TFAP2E: variants seen among roughly 807,000 people sequenced by gnomAD.
TFAP2E encodes transcription factor AP-2-epsilon.
Under a neutral mutation model 37.9 loss-of-function variants are expected in TFAP2E, and 30 were observed. The observed-to-expected ratio is 0.79, with a 90% CI of 0.59 to 1.07. The LOEUF is 1.07. Among genes scored for constraint, TFAP2E ranks in the 50% least tolerant of loss-of-function variants. The probability of loss-of-function intolerance (pLI) is 0.00; values close to 1 mark genes in which losing one functional copy is unlikely to be tolerated. For synonymous variants in TFAP2E, 318 were observed against 295.8 expected (o/e 1.08, Z -0.77); for missense variants, 567 against 637.9 (o/e 0.89, Z 1.20).
Position 35,573,539 on chromosome 1 carries a change from C to A in TFAP2E, c.-39C>A. ...CAGCGCTCGCCGTCGGGCTAGGGCT[C>A]CGCCGCCGCCACGCCTCGCGCCCGG... On this transcript the variant is annotated 5_prime_UTR_variant, in exon 1 of 7. Transcript: ENST00000373235. This position sits in a 1 kb window ranked among gnomAD's most constrained non-coding sequence, Gnocchi z 5.9. 6.6e-7 allele frequency: 1 copy of A among 1,511,288 alleles called. No individual in the cohort carries two copies. Among genetic ancestry groups the A allele is most frequent in the Non-Finnish European group, 8.8e-7 (1 of 1,130,864 alleles). 93.6% of individuals were successfully genotyped at this position (1,511,288 alleles called of 1,614,324 possible).
At chr1:35,589,318 G>A (rs1218918887) in intron 4 of TFAP2E, among the ~76,000 whole-genome samples, 1 of 151,416 alleles carries the variant, frequency 6.6e-6, no homozygotes, top group Non-Finnish European at 1.5e-5. Context: ...TGCAGTCATA[G>A]GGGTTATCTC....
At chr1:35,589,826 A>G in intron 4 of TFAP2E, 104 bp from the exon 5 acceptor site, 1 of 1,197,872 alleles carries the variant, frequency 8.3e-7, no homozygotes, top group Non-Finnish European at 1.2e-6. Flanking sequence ...CCAAACCTCA[A>G]CAGGGGCTGG....
Position 35,594,822 on chromosome 1 carries a change from C to A in TFAP2E, c.*146C>A. 1 of 1,302,208 alleles carries A rather than the reference C, an allele frequency of 7.7e-7. No homozygotes were observed. The highest frequency in any genetic ancestry group is 1.4e-5 in the South Asian group (1 of 72,440). 80.7% of individuals were successfully genotyped at this position (1,302,208 alleles called of 1,614,324 possible). On this transcript the variant is annotated 3_prime_UTR_variant, in exon 7 of 7. Transcript: ENST00000373235. ...ATCCAGAGATCCCAGAGTTGGGGAT[C>A]TGGCTTGGAGTAAGGGAGGGTGGCC...
At position 35,573,684 on chromosome 1, in the gene TFAP2E, C is replaced by T. The variant is rs930371013; in HGVS notation, c.27+80C>T. ...GCTGGACTTTCCAACCCTCCTGTCCCGCGCTAACGAAATCTCGGAGGGAGG... is the reference window on the plus strand; with the variant it reads ...GCTGGACTTTCCAACCCTCCTGTCCTGCGCTAACGAAATCTCGGAGGGAGG... On this transcript the variant is annotated intron_variant, in intron 1 of 6. Coordinates refer to ENST00000373235, the MANE Select transcript of TFAP2E (RefSeq NM_178548.4). The surrounding 1 kb of genome is among the most constrained non-coding windows in gnomAD (Gnocchi z 5.9). 14 of 1,501,588 alleles carry T rather than the reference C, an allele frequency of 9.3e-6. No individual in the cohort carries two copies. The Admixed American group carries it at 3.1e-4, about 34-fold the overall frequency. 93.0% of individuals were successfully genotyped at this position (1,501,588 alleles called of 1,614,324 possible). A position where few individuals can be genotyped will look rare whatever the true frequency, so the allele number is the denominator to read the frequency against.
chr1:35,573,386 CCTCCATGGACCCG>C lies in TFAP2E; in HGVS notation c.-190_-178del. The C allele has an allele frequency of 1.6e-6, 1 of 629,166 alleles. No homozygotes were observed. The highest frequency in any genetic ancestry group is 2.4e-6 in the Non-Finnish European group (1 of 408,840). 39.0% of individuals were successfully genotyped at this position (629,166 alleles called of 1,614,324 possible). On this transcript the variant is annotated 5_prime_UTR_variant, in exon 1 of 7. An upstream start codon of the reference 5' UTR is lost. Coordinates refer to ENST00000373235, the MANE Select transcript of TFAP2E (RefSeq NM_178548.4). The surrounding 1 kb of genome is among the most constrained non-coding windows in gnomAD (Gnocchi z 5.9). ...GTGCGATCAGTGCCCGTCCGTCCTG[CCTCCATGGACCCG>C]CCCGGGAACGGCCACCGCTGAGGAC... is the stretch of plus-strand genomic sequence containing the variant.
At chr1:35,587,970 T>C (rs1464865957) in intron 3 of TFAP2E, among the ~76,000 whole-genome samples, 4 of 152,116 alleles carry the variant, frequency 2.6e-5, no homozygotes, top group Non-Finnish European at 5.9e-5. Flanking sequence ...CTCCCTGTGA[T>C]TGCCCAGCCC....
chr1:35,593,960 T>G (rs972630858), intron 6 of TFAP2E, among the ~76,000 whole-genome samples: 1 of 152,222 alleles, frequency 6.6e-6, no homozygotes, highest in Non-Finnish European at 1.5e-5. Flanking sequence ...TGGCACAGCA[T>G]CCAGCCTTCA....
Position 35,589,911 on chromosome 1 carries a change from T to C in TFAP2E, c.786-19T>C. ...TTGTCTTCATAGTTGTATGTCTGTC[T>C]GTCTCTGTGCATGTCAAGGGCCAAG... On this transcript the variant is annotated intron_variant, in intron 4 of 6. Transcript: ENST00000373235. The C allele has an allele frequency of 6.2e-7, 1 of 1,612,670 alleles. No homozygotes were observed. Among genetic ancestry groups the C allele is most frequent in the South Asian group, 1.1e-5 (1 of 91,010 alleles).
intron 3 of TFAP2E, among the ~76,000 whole-genome samples, chr1:35,575,690 CTCTG>C (rs1649148003): frequency 6.6e-6 from 1 of 152,106 alleles, no homozygotes. Flanking sequence ...TGAGGTGTGT[CTCTG>C]TATGTTGGTG....
At chr1:35,583,649 T>C (rs904096313) in intron 3 of TFAP2E, among the ~76,000 whole-genome samples, 1 of 148,894 alleles carries the variant, frequency 6.7e-6, no homozygotes, top group African/African-American at 2.6e-5. Context: ...TGTGAATGGC[T>C]TCTGCATATG....
In TFAP2E at chr1:35,588,653, G is replaced by A. The variant is rs1262691494; in HGVS notation, c.785+101G>A. On this transcript the variant is annotated intron_variant, in intron 4 of 6. Coordinates refer to ENST00000373235, the MANE Select transcript of TFAP2E (RefSeq NM_178548.4). This position sits in a 1 kb window ranked among gnomAD's most constrained non-coding sequence, Gnocchi z 5.1. ...GAGGCCAGTCTCACCTAGGCCCTCT[G>A]CCTCAGTCTCCCTGGGAGGGGAGGC... is the stretch of plus-strand genomic sequence containing the variant. 1 of 1,246,078 alleles carries A rather than the reference G, an allele frequency of 8.0e-7. No homozygotes were observed. The highest frequency in any genetic ancestry group is 1.7e-5 in the South Asian group (1 of 59,438). The allele number at this position is 1,246,078 out of a possible 1,614,324, so 77.2% of individuals were successfully genotyped here.
At position 35,578,790 on chromosome 1, in the gene TFAP2E, C is replaced by T. The variant is rs780234680; in HGVS notation, c.562+3790C>T. On this transcript the variant is annotated intron_variant, in intron 3 of 6. Coordinates refer to ENST00000373235, the MANE Select transcript of TFAP2E (RefSeq NM_178548.4). ...CAGAATTTGAGAGGGTGCCAAAAAA[C>T]TCAGTAATCAAGATAAATAGGCCGG... is the stretch of plus-strand genomic sequence containing the variant. Among the ~76,000 whole-genome samples the T allele has an allele frequency of 6.0e-4, 91 of 152,054 alleles. 1 individual carries two copies. The highest frequency in any genetic ancestry group is 3.2e-3 in the Middle Eastern group (1 of 316).
chr1:35,576,859 G>A (rs1350495844), intron 3 of TFAP2E, among the ~76,000 whole-genome samples: 5 of 152,038 alleles, frequency 3.3e-5, no homozygotes, highest in African/African-American at 9.6e-5. Context: ...GGAGCGGGGC[G>A]GGACGCGGCC....
intron 3 of TFAP2E, among the ~76,000 whole-genome samples, chr1:35,582,522 T>C (rs1375051727): frequency 6.6e-6 from 1 of 151,208 alleles, no homozygotes; most frequent in Admixed American, 6.6e-5. Context: ...TTTTTTTTTT[T>C]CATAGAAACA....
chr1:35,592,354 T>C (rs1045152189), intron 6 of TFAP2E, among the ~76,000 whole-genome samples: 1 of 152,058 alleles, frequency 6.6e-6, no homozygotes, highest in African/African-American at 2.4e-5. Context: ...TGGGCTGCTA[T>C]AACAAAATAC....
chr1:35,574,615 G>A (rs1472367985), intron 2 of TFAP2E: 3 of 874,664 alleles, frequency 3.4e-6, no homozygotes, highest in Non-Finnish European at 5.0e-6. Flanking sequence ...CCAGCAGTGC[G>A]TGGGTGGCAG....
chr1:35,594,338 C>A (rs1471324171), intron 6 of TFAP2E, 56 bp from the exon 7 acceptor site: 3 of 1,585,572 alleles, frequency 1.9e-6, no homozygotes, highest in Non-Finnish European at 2.6e-6. Context: ...TGTAGCAGGT[C>A]CTTCTCTGGG....
chr1:35,574,459 C>T (rs1375809770), intron 2 of TFAP2E, 50 bp downstream of exon 2: 1 of 1,358,780 alleles, frequency 7.4e-7, no homozygotes, highest in East Asian at 2.9e-5. Flanking sequence ...CGGTGGTTTA[C>T]TACCATGGCT....
At chr1:35,589,206 G>A (rs978673647) in intron 4 of TFAP2E, among the ~76,000 whole-genome samples, 1 of 145,962 alleles carries the variant, frequency 6.9e-6, no homozygotes, top group Non-Finnish European at 1.5e-5. Context: ...GTGTGTGTGT[G>A]TGTGTGTGTG....
Sources: allele counts gnomAD v4.1 joint callset (sites outside exome capture counted in the v4.1 genomes callset), GRCh38; gene constraint gnomAD v4.1.1; non-coding constraint Gnocchi (gnomAD v3.1); transcripts MANE v1.5; gene names NCBI Gene and HGNC (gene_info 2026-07-23, HGNC 2026-07-21).